The following ZCCHC7 variants were observed in gnomAD, a reference collection of about 807,000 sequenced individuals.
ZCCHC7 encodes zinc finger CCHC-type containing 7.
A neutral mutation model predicts 52.0 loss-of-function variants in ZCCHC7; 35 were observed. The observed-to-expected ratio is 0.67, with a 90% confidence interval of 0.51 to 0.89. The LOEUF is 0.89. Ranked by LOEUF, ZCCHC7 falls within the 40% of genes least tolerant of loss-of-function variation. The probability of loss-of-function intolerance (pLI) is 0.00; values close to 1 mark genes in which losing one functional copy is unlikely to be tolerated. For synonymous variants in ZCCHC7, 217 were observed against 221.5 expected, an observed-to-expected ratio of 0.98 and a Z score of 0.18; for missense variants, 574 against 649.1, an observed-to-expected ratio of 0.88 and a Z score of 1.26.
chr9:37,174,537 A>G (rs989969850), intron 2 of ZCCHC7, among the ~76,000 whole-genome samples: 1 of 152,172 alleles, frequency 6.6e-6, no homozygotes, highest in African/African-American at 2.4e-5. Context: ...AGAATCTAAA[A>G]CACTATTATC....
intron 5 of ZCCHC7, among the ~76,000 whole-genome samples, chr9:37,319,546 G>C (rs1407086490): frequency 6.6e-6 from 1 of 152,074 alleles, no homozygotes; most frequent in Non-Finnish European, 1.5e-5. Context: ...TACCACCTCA[G>C]CCTCCTGAGT....
chr9:37,176,332 C>T (rs1399696196), intron 2 of ZCCHC7, among the ~76,000 whole-genome samples: 1 of 152,162 alleles, frequency 6.6e-6, no homozygotes, highest in Admixed American at 6.6e-5. Context: ...CTCGGCCTCC[C>T]AAAGTGCTGG....
chr9:37,125,856 T>A (rs185700844), intron 1 of ZCCHC7, among the ~76,000 whole-genome samples: 1 of 152,352 alleles, frequency 6.6e-6, no homozygotes, highest in East Asian at 1.9e-4. Flanking sequence ...TTTTGCTATA[T>A]CTTTTGTATG....
intron 2 of ZCCHC7, among the ~76,000 whole-genome samples, chr9:37,136,339 T>C (rs1842995762): frequency 6.6e-6 from 1 of 152,236 alleles, no homozygotes; most frequent in African/African-American, 2.4e-5. Context: ...AAAGTCTTCA[T>C]AGTTACACGA....
intron 2 of ZCCHC7, among the ~76,000 whole-genome samples, chr9:37,158,921 CT>C (rs1213724812): frequency 1.3e-5 from 2 of 152,196 alleles, no homozygotes; most frequent in Non-Finnish European, 2.9e-5. Context: ...GCCACAGCCA[CT>C]TCCAGTGCAA....
chr9:37,148,651 CTT>C (rs1375179123), intron 2 of ZCCHC7, among the ~76,000 whole-genome samples: 3 of 152,108 alleles, frequency 2.0e-5, no homozygotes, highest in Non-Finnish European at 4.4e-5. Flanking sequence ...TAGGATGAGA[CTT>C]CAGTTTCTTA....
At chr9:37,120,331 C>A (rs1842245853), upstream of ZCCHC7, among the ~76,000 whole-genome samples, 1 of 152,236 alleles carries the variant, frequency 6.6e-6, no homozygotes, top group Non-Finnish European at 1.5e-5. Flanking sequence ...ATAATAGATG[C>A]AGCCTAGGTA....
At chr9:37,220,298 T>A (rs1043323740) in intron 2 of ZCCHC7, among the ~76,000 whole-genome samples, 1 of 152,146 alleles carries the variant, frequency 6.6e-6, no homozygotes, top group Admixed American at 6.5e-5. Flanking sequence ...CCCAGCACTT[T>A]GGGAGGCCGA....
chr9:37,204,468 T>C (rs539906151), intron 2 of ZCCHC7, among the ~76,000 whole-genome samples: 2 of 152,320 alleles, frequency 1.3e-5, no homozygotes, highest in South Asian at 4.1e-4. Flanking sequence ...TAATCCATCT[T>C]GAGTTAATTT....
At chr9:37,213,492 G>T (rs1253817970) in intron 2 of ZCCHC7, among the ~76,000 whole-genome samples, 1 of 152,116 alleles carries the variant, frequency 6.6e-6, no homozygotes. Context: ...TTGATACAGG[G>T]ATCCTAATAC....
At chr9:37,148,785 T>C (rs921287528) in intron 2 of ZCCHC7, among the ~76,000 whole-genome samples, 1 of 152,172 alleles carries the variant, frequency 6.6e-6, no homozygotes, top group Non-Finnish European at 1.5e-5. Context: ...CATGTTACTT[T>C]GCACTGTCTA....
chr9:37,130,333 C>CTTT (rs1564131111), intron 2 of ZCCHC7, among the ~76,000 whole-genome samples: 1 of 112,912 alleles, frequency 8.9e-6, no homozygotes, highest in African/African-American at 3.3e-5. Context: ...GGAATTCTCT[C>CTTT]CTTTTTTTTT....
chr9:37,333,961 C>G (rs1262701172), intron 6 of ZCCHC7: 2 of 151,754 alleles, frequency 1.3e-5, no homozygotes, highest in Non-Finnish European at 3.0e-5. Context: ...GACCCTATTA[C>G]AATAAAAATG....
At chr9:37,289,388 A>T (rs1045752152) in intron 2 of ZCCHC7, among the ~76,000 whole-genome samples, 3 of 152,072 alleles carry the variant, frequency 2.0e-5, no homozygotes, top group Non-Finnish European at 2.9e-5. Flanking sequence ...TGACTTCGTG[A>T]TCTGCCCGCC....
chr9:37,169,014 C>T lies in ZCCHC7; in HGVS notation c.610+42072C>T, dbSNP rs149304857. On this transcript the variant is annotated intron_variant, in intron 2 of 8. Coordinates refer to ENST00000336755, the MANE Select transcript of ZCCHC7 (RefSeq NM_032226.3). ...ATCCCGAGACATTCTAATTCTCTGC[C>T]GTTTGTGTAGCAATTCTTTGAACTG... Among the ~76,000 whole-genome samples the T allele has an allele frequency of 2.9e-3, 434 of 152,170 alleles. 2 individuals are homozygous for T. The highest frequency in any genetic ancestry group is 9.9e-3 in the African/African-American group (409 of 41,522).
chr9:37,306,967 T>TA lies in ZCCHC7; in HGVS notation c.951+1254dup, dbSNP rs1374638967. 2.6e-5 allele frequency among the ~76,000 whole-genome samples: 4 copies of TA among 151,238 alleles called. 1 individual carries two copies. The East Asian group carries it at 7.8e-4, about 30-fold the overall frequency. ...CATGCCTGGCTAATTTTTGTATATT[T>TA]AGTAGACAGCAGGGTTTCACCATGG... is the stretch of plus-strand genomic sequence containing the variant. On this transcript the variant is annotated intron_variant, in intron 5 of 8. Coordinates refer to ENST00000336755, the MANE Select transcript of ZCCHC7 (RefSeq NM_032226.3).
In ZCCHC7 at chr9:37,171,662, C is replaced by T. The variant is rs560151753; in HGVS notation, c.610+44720C>T. 5.3e-5 allele frequency among the ~76,000 whole-genome samples: 8 copies of T among 152,220 alleles called. No individual in the cohort carries two copies. The East Asian group carries it at 1.5e-3, about 29-fold the overall frequency. On this transcript the variant is annotated intron_variant, in intron 2 of 8. Transcript: ENST00000336755. ...CTCTAACTCCTAGGCTCAGGCAATC[C>T]TCCCTCAGCCTCCCATATTTGACAT...
intron 2 of ZCCHC7, among the ~76,000 whole-genome samples, chr9:37,280,796 T>C (rs1311018045): frequency 6.6e-6 from 1 of 152,086 alleles, no homozygotes; most frequent in African/African-American, 2.4e-5. Context: ...TGAGACAGAG[T>C]CTTGCTTTGT....
At position 37,200,236 on chromosome 9, in the gene ZCCHC7, C is replaced by T. The variant is rs1427174641; in HGVS notation, c.610+73294C>T. Among the ~76,000 whole-genome samples the T allele has an allele frequency of 4.6e-5, 7 of 151,556 alleles. No homozygotes were observed. The South Asian group carries it at 1.3e-3, about 27-fold the overall frequency. ...ACTTCCTTTTTTTATTATCTTTCAACTCTCCTCCTTTTTTCACTCTTCACT... is the reference window on the plus strand; with the variant it reads ...ACTTCCTTTTTTTATTATCTTTCAATTCTCCTCCTTTTTTCACTCTTCACT... On this transcript the variant is annotated intron_variant, in intron 2 of 8. Transcript: ENST00000336755.
Sources: allele counts gnomAD v4.1 joint callset (sites outside exome capture counted in the v4.1 genomes callset), GRCh38; gene constraint gnomAD v4.1.1; transcripts MANE v1.5; gene names NCBI Gene and HGNC (gene_info 2026-07-23, HGNC 2026-07-21).